The following SPRED1 variants were observed in gnomAD, a reference collection of about 807,000 sequenced individuals.
SPRED1 encodes sprouty-related, EVH1 domain-containing protein 1.
In SPRED1, 18 loss-of-function variants were observed where a neutral mutation model predicts 52.3. That is an observed-to-expected ratio of 0.34 (90% CI 0.24 to 0.51). The LOEUF (loss-of-function observed/expected upper bound fraction) is 0.51. Among genes scored for constraint, SPRED1 ranks in the 20% least tolerant of loss-of-function variants. The pLI is 0.97. For missense variants in SPRED1, 485 were observed against 551.0 expected (o/e 0.88, Z 1.20); for synonymous variants, 155 against 179.7 (o/e 0.86, Z 1.10).
intron 2 of SPRED1, among the ~76,000 whole-genome samples, chr15:38,309,482 C>G (rs893525172): frequency 1.3e-5 from 2 of 152,184 alleles, no homozygotes. Context: ...TTTGTATATT[C>G]TAGCTACTAA....
chr15:38,259,872 A>G (rs1428025007), intron 1 of SPRED1, among the ~76,000 whole-genome samples: 1 of 152,174 alleles, frequency 6.6e-6, no homozygotes, highest in Non-Finnish European at 1.5e-5. Context: ...CATATCTGTG[A>G]GATTGTGTTT....
chr15:38,276,825 A>G (rs979237676), intron 1 of SPRED1, among the ~76,000 whole-genome samples: 4 of 152,300 alleles, frequency 2.6e-5, no homozygotes, highest in Admixed American at 6.5e-5. Context: ...GATTTATGAA[A>G]CACTGTAGTT....
chr15:38,278,732 T>C (rs902827409), intron 1 of SPRED1, among the ~76,000 whole-genome samples: 1 of 149,660 alleles, frequency 6.7e-6, no homozygotes, highest in Non-Finnish European at 1.5e-5. Flanking sequence ...AAATGCTGTG[T>C]AAATAGTTAT....
At chr15:38,267,200 TAA>T (rs1186964314) in intron 1 of SPRED1, among the ~76,000 whole-genome samples, 1 of 151,500 alleles carries the variant, frequency 6.6e-6, no homozygotes, top group East Asian at 1.9e-4. Context: ...ATACTTAATA[TAA>T]AGACTTAGGC....
intron 4 of SPRED1, among the ~76,000 whole-genome samples, chr15:38,339,512 C>A (rs552994471): frequency 6.6e-6 from 1 of 152,116 alleles, no homozygotes; most frequent in African/African-American, 2.4e-5. Context: ...TTTTAATAAG[C>A]CCATTTTTCT....
chr15:38,307,551 T>C (rs1340783038), intron 2 of SPRED1, among the ~76,000 whole-genome samples: 1 of 152,160 alleles, frequency 6.6e-6, no homozygotes, highest in Non-Finnish European at 1.5e-5. Context: ...TATCATTTCC[T>C]CCCTGGCTCT....
intron 1 of SPRED1, among the ~76,000 whole-genome samples, chr15:38,270,844 C>G (rs914777999): frequency 6.6e-6 from 1 of 152,074 alleles, no homozygotes; most frequent in African/African-American, 2.4e-5. Context: ...GTATACTAAT[C>G]TTCATATATC....
chr15:38,316,316 G>T (rs1367124486), intron 2 of SPRED1, among the ~76,000 whole-genome samples: 1 of 151,594 alleles, frequency 6.6e-6, no homozygotes, highest in Non-Finnish European at 1.5e-5. Flanking sequence ...CTGTATTTTC[G>T]TAAATAACAT....
At chr15:38,320,649 C>T (rs1432331943) in intron 2 of SPRED1, among the ~76,000 whole-genome samples, 1 of 152,040 alleles carries the variant, frequency 6.6e-6, no homozygotes, top group Non-Finnish European at 1.5e-5. Context: ...GAAAATACAA[C>T]CTTTCACCAA....
intron 2 of SPRED1, among the ~76,000 whole-genome samples, chr15:38,309,535 T>A (rs893866041): frequency 1.3e-5 from 2 of 152,228 alleles, no homozygotes; most frequent in Non-Finnish European, 2.9e-5. Context: ...TCTCTCCCAG[T>A]CTGTAGCTTG....
At chr15:38,290,724 G>T (rs2140971865) in intron 1 of SPRED1, among the ~76,000 whole-genome samples, 1 of 152,274 alleles carries the variant, frequency 6.6e-6, no homozygotes, top group East Asian at 1.9e-4. Context: ...AAACCCATCA[G>T]ATCTCCTGAG....
intron 4 of SPRED1, among the ~76,000 whole-genome samples, chr15:38,336,517 A>G (rs1895926284): frequency 6.7e-6 from 1 of 148,206 alleles, no homozygotes; most frequent in African/African-American, 2.5e-5. Flanking sequence ...AATCTCTGGA[A>G]CAAATACATT....
intron 2 of SPRED1, among the ~76,000 whole-genome samples, chr15:38,315,953 TAGAGACTGGATGGGACCCAGC>T (rs1168311565): frequency 9.9e-5 from 15 of 151,998 alleles, no homozygotes; most frequent in Non-Finnish European, 1.9e-4. Flanking sequence ...TGGTGAGTGG[TAGAGACTGGATGGGACCCAGC>T]AGGTCTTGGC....
At chr15:38,347,289 GAT>G (rs1304466173) in intron 5 of SPRED1, among the ~76,000 whole-genome samples, 2 of 152,096 alleles carry the variant, frequency 1.3e-5, no homozygotes, top group East Asian at 3.9e-4. Flanking sequence ...TCCCCGCACT[GAT>G]ATGCAGTACC....
intron 1 of SPRED1, among the ~76,000 whole-genome samples, chr15:38,294,330 CAA>C (rs1260228733): frequency 6.6e-6 from 1 of 152,042 alleles, no homozygotes; most frequent in African/African-American, 2.4e-5. Flanking sequence ...AGAACTTCCT[CAA>C]TTTGGTGGTT....
At chr15:38,298,992 T>C (rs371841807) in intron 1 of SPRED1, among the ~76,000 whole-genome samples, 15 of 152,322 alleles carry the variant, frequency 9.8e-5, no homozygotes, top group South Asian at 8.3e-4. Flanking sequence ...TTGTCCTGGT[T>C]ATAATATTGT....
chr15:38,342,044 C>A (rs11858391), intron 5 of SPRED1, among the ~76,000 whole-genome samples: 40 of 127,494 alleles, frequency 3.1e-4, no homozygotes, highest in Admixed American at 1.8e-3. Flanking sequence ...TTTTTTTTTT[C>A]CCCCAGGGTG....
At chr15:38,284,678 A>AT (rs924942997) in intron 1 of SPRED1, among the ~76,000 whole-genome samples, 3 of 151,170 alleles carry the variant, frequency 2.0e-5, no homozygotes, top group African/African-American at 4.9e-5. Context: ...TCAAGTTTTA[A>AT]TTTTTTTTTC....
At chr15:38,293,651 C>T (rs975727054) in intron 1 of SPRED1, among the ~76,000 whole-genome samples, 6 of 152,154 alleles carry the variant, frequency 3.9e-5, no homozygotes, top group African/African-American at 1.4e-4. Context: ...GAACATTCTG[C>T]TTTCTTGCTT....
Sources: gnomAD v4.1 joint callset for allele counts (sites outside exome capture counted in the v4.1 genomes callset) on GRCh38, gnomAD v4.1.1 for gene constraint, MANE v1.5 for transcripts, NCBI Gene and HGNC (gene_info 2026-07-23, HGNC 2026-07-21) for gene names.